CACNA2D3: variants seen among roughly 807,000 people sequenced by gnomAD.
CACNA2D3 encodes the protein calcium voltage-gated channel auxiliary subunit alpha2delta 3.
In CACNA2D3, 60 loss-of-function variants were observed where a neutral mutation model predicts 160.6. The ratio of observed to expected loss-of-function variants is 0.37; its 90% CI spans 0.30 to 0.46. CACNA2D3 has a LOEUF of 0.46. CACNA2D3 is among the 20% of genes least tolerant of loss of function. The pLI, the probability that CACNA2D3 is intolerant of heterozygous loss-of-function variation, is 1.00. For synonymous variants in CACNA2D3, 558 were observed against 492.9 expected (o/e 1.13, Z -1.75); for missense variants, 1,205 against 1,365.0 (o/e 0.88, Z 1.85).
At chr3:54,188,860 G>A (rs527857180) in intron 2 of CACNA2D3, among the ~76,000 whole-genome samples, 7 of 152,272 alleles carry the variant, frequency 4.6e-5, no homozygotes, top group South Asian at 4.1e-4. Flanking sequence ...AATATAGAGC[G>A]TCACTCATTT....
At chr3:54,139,845 G>A (rs1382397853) in intron 2 of CACNA2D3, among the ~76,000 whole-genome samples, 2 of 152,216 alleles carry the variant, frequency 1.3e-5, no homozygotes, top group Non-Finnish European at 2.9e-5. Flanking sequence ...CTCTGGGGAT[G>A]GAAGGCTGAG....
At chr3:54,614,710 G>A (rs1698812860) in intron 9 of CACNA2D3, among the ~76,000 whole-genome samples, 1 of 152,168 alleles carries the variant, frequency 6.6e-6, no homozygotes, top group Admixed American at 6.5e-5. Flanking sequence ...GTTAGGGGCA[G>A]AAGATGAACA....
chr3:54,315,983 G>A (rs138631967), intron 2 of CACNA2D3, among the ~76,000 whole-genome samples: 203 of 152,164 alleles, frequency 1.3e-3, no homozygotes, highest in African/African-American at 4.7e-3. Flanking sequence ...ATAAAGGTAA[G>A]CAAAAGAAGA....
intron 18 of CACNA2D3, among the ~76,000 whole-genome samples, chr3:54,874,186 G>T (rs1307266410): frequency 1.3e-5 from 2 of 152,266 alleles, no homozygotes; most frequent in East Asian, 3.9e-4. Flanking sequence ...AAATAGACTG[G>T]CTAAAATTAA....
At chr3:54,148,380 T>A (rs902817350) in intron 2 of CACNA2D3, among the ~76,000 whole-genome samples, 2 of 152,056 alleles carry the variant, frequency 1.3e-5, no homozygotes, top group Non-Finnish European at 2.9e-5. Context: ...TTGGGAGGCA[T>A]TGGGGTGCAG....
At chr3:54,870,232 G>C (rs537201058) in intron 17 of CACNA2D3, among the ~76,000 whole-genome samples, 1 of 152,282 alleles carries the variant, frequency 6.6e-6, no homozygotes, top group South Asian at 2.1e-4. Flanking sequence ...ACACTTGTCT[G>C]GTTCAACATA....
At chr3:54,826,816 A>G (rs1312789967) in intron 14 of CACNA2D3, among the ~76,000 whole-genome samples, 1 of 152,116 alleles carries the variant, frequency 6.6e-6, no homozygotes, top group Non-Finnish European at 1.5e-5. Context: ...TAAAGGAAAC[A>G]TGTCTTCCTA....
At chr3:54,249,698 C>CA (rs1559895839) in intron 2 of CACNA2D3, among the ~76,000 whole-genome samples, 4 of 149,838 alleles carry the variant, frequency 2.7e-5, no homozygotes, top group African/African-American at 9.9e-5. Context: ...CACACACACA[C>CA]CCCTCATCCT....
chr3:54,537,297 T>C (rs1701905067), intron 5 of CACNA2D3, among the ~76,000 whole-genome samples: 1 of 152,120 alleles, frequency 6.6e-6, no homozygotes, highest in Non-Finnish European at 1.5e-5. Flanking sequence ...GTGAAGCAAG[T>C]GGGCTCTGGA....
intron 17 of CACNA2D3, among the ~76,000 whole-genome samples, chr3:54,849,040 A>G (rs746325879): frequency 6.6e-6 from 1 of 152,218 alleles, no homozygotes; most frequent in Non-Finnish European, 1.5e-5. Context: ...GGCAACCTAA[A>G]GAGCACTTTT....
intron 17 of CACNA2D3, among the ~76,000 whole-genome samples, chr3:54,871,182 GACACACACACACACAC>G (rs376258511): frequency 1.6e-5 from 2 of 127,710 alleles, no homozygotes; most frequent in Non-Finnish European, 3.3e-5. Flanking sequence ...TATAGGTGGA[GACACACACACACACAC>G]ACACACACAC....
intron 11 of CACNA2D3, among the ~76,000 whole-genome samples, chr3:54,742,176 T>G (rs1329765820): frequency 6.6e-6 from 1 of 152,170 alleles, no homozygotes. Flanking sequence ...CCCAGCACTT[T>G]GGGAAGTCGA....
chr3:55,067,083 G>A (rs567084622), intron 35 of CACNA2D3, among the ~76,000 whole-genome samples: 9 of 148,696 alleles, frequency 6.1e-5, no homozygotes, highest in East Asian at 4.2e-4. Flanking sequence ...TAATCTTTCC[G>A]CTGGCAATCT....
intron 4 of CACNA2D3, among the ~76,000 whole-genome samples, chr3:54,470,979 A>G (rs7611122): frequency 0.077 from 11,778 of 152,094 alleles, 1,010 homozygotes; most frequent in African/African-American, 0.21. Context: ...ACTTTAACAT[A>G]CCACTGTCAA....
At chr3:54,156,384 G>A (rs757992636) in intron 2 of CACNA2D3, among the ~76,000 whole-genome samples, 11 of 152,282 alleles carry the variant, frequency 7.2e-5, no homozygotes, top group Middle Eastern at 3.4e-3. Flanking sequence ...CACTAATGCC[G>A]TCAGTCACTG....
At chr3:54,330,526 C>G (rs764519242) in intron 3 of CACNA2D3, among the ~76,000 whole-genome samples, 13 of 152,164 alleles carry the variant, frequency 8.5e-5, no homozygotes, top group Non-Finnish European at 1.9e-4. Context: ...ACTGCTAACC[C>G]TAACCCAGGT....
chr3:54,198,421 A>G (rs1701119350), intron 2 of CACNA2D3, among the ~76,000 whole-genome samples: 1 of 152,256 alleles, frequency 6.6e-6, no homozygotes, highest in Non-Finnish European at 1.5e-5. Flanking sequence ...GGCCCCGAAT[A>G]TTTCCGTATA....
intron 4 of CACNA2D3, among the ~76,000 whole-genome samples, chr3:54,418,287 CCTT>C (rs1216351433): frequency 6.6e-6 from 1 of 152,146 alleles, no homozygotes; most frequent in Non-Finnish European, 1.5e-5. Context: ...CATAATCTAT[CCTT>C]CTTCCTCAGA....
chr3:55,058,777 C>G (rs1251051708), intron 35 of CACNA2D3, among the ~76,000 whole-genome samples: 2 of 151,982 alleles, frequency 1.3e-5, no homozygotes, highest in African/African-American at 4.8e-5. Flanking sequence ...AACTAAGAGG[C>G]AGAAACGTTA....
Sources: allele counts gnomAD v4.1 joint callset (sites outside exome capture counted in the v4.1 genomes callset), GRCh38; gene constraint gnomAD v4.1.1; transcripts MANE v1.5; gene names NCBI Gene and HGNC (gene_info 2026-07-23, HGNC 2026-07-21).